FOXN3: variants seen among roughly 807,000 people sequenced by gnomAD.
FOXN3 encodes the protein forkhead box N3, also known as forkhead box protein N3.
Under a neutral mutation model 38.4 loss-of-function variants are expected in FOXN3, and 7 were observed. That is an observed-to-expected ratio of 0.18 (90% CI 0.10 to 0.34). FOXN3 has a LOEUF of 0.34. FOXN3 is among the 10% of genes least tolerant of loss of function. The pLI is 1.00. For missense variants in FOXN3, 456 were observed against 613.4 expected (o/e 0.74, Z 2.71); for synonymous variants, 230 against 242.2 (o/e 0.95, Z 0.47).
chr14:89,407,705 GGTAT>G (rs1410565920), intron 2 of FOXN3, among the ~76,000 whole-genome samples: 5 of 152,060 alleles, frequency 3.3e-5, no homozygotes, highest in African/African-American at 1.2e-4. Context: ...CAGGCATGGT[GGTAT>G]GTACTTGTAG....
At chr14:89,618,378 G>A (rs933033395) in intron 1 of FOXN3, among the ~76,000 whole-genome samples, 1 of 152,166 alleles carries the variant, frequency 6.6e-6, no homozygotes, top group African/African-American at 2.4e-5. Flanking sequence ...TTCCCAGCCG[G>A]CAATCATGGT....
At chr14:89,589,074 T>C (rs776845962) in intron 1 of FOXN3, among the ~76,000 whole-genome samples, 1 of 152,130 alleles carries the variant, frequency 6.6e-6, no homozygotes, top group Non-Finnish European at 1.5e-5. Context: ...TTATTAACTA[T>C]AAACCAAGTC....
chr14:89,301,951 C>T (rs1019938001), intron 3 of FOXN3, among the ~76,000 whole-genome samples: 1 of 152,086 alleles, frequency 6.6e-6, no homozygotes, highest in Non-Finnish European at 1.5e-5. Flanking sequence ...TGGCCACCTC[C>T]CTCACCACCT....
At chr14:89,225,798 C>T (rs879750242) in intron 4 of FOXN3, among the ~76,000 whole-genome samples, 2 of 152,006 alleles carry the variant, frequency 1.3e-5, no homozygotes, top group African/African-American at 2.4e-5. Flanking sequence ...CTGTTAGGAT[C>T]GTGTGTAACA....
At chr14:89,488,448 C>T (rs1893497658) in intron 1 of FOXN3, among the ~76,000 whole-genome samples, 1 of 151,936 alleles carries the variant, frequency 6.6e-6, no homozygotes, top group African/African-American at 2.4e-5. Flanking sequence ...GAGTTCAAAA[C>T]CAGCCTGGGC....
chr14:89,548,607 G>C lies in FOXN3; in HGVS notation c.-15+70421C>G, dbSNP rs1446586548. Among the ~76,000 whole-genome samples, 5 of 152,106 alleles carry C rather than the reference G, an allele frequency of 3.3e-5. No homozygotes were observed. The East Asian group carries it at 5.8e-4, about 18-fold the overall frequency. On this transcript the variant is annotated intron_variant, in intron 1 of 6. Transcript: ENST00000345097. This position sits in a 1 kb window ranked among gnomAD's most constrained non-coding sequence, Gnocchi z 4.8. ...ATCGTATGGGATAATGTATGTAAAA[G>C]TATTCTATAATTAGAACCTTAATGT...
At chr14:89,561,110 C>A (rs774581471) in intron 1 of FOXN3, among the ~76,000 whole-genome samples, 4 of 152,232 alleles carry the variant, frequency 2.6e-5, no homozygotes, top group Non-Finnish European at 5.9e-5. Context: ...GAAGAAGATG[C>A]ATGACTGGTG....
intron 1 of FOXN3, among the ~76,000 whole-genome samples, chr14:89,573,130 T>G (rs1057002489): frequency 1.3e-5 from 2 of 152,196 alleles, no homozygotes; most frequent in African/African-American, 4.8e-5. Flanking sequence ...GATGCACTTC[T>G]AGTTTGACAG....
At chr14:89,382,062 C>T (rs1271677459) in intron 2 of FOXN3, among the ~76,000 whole-genome samples, 2 of 152,054 alleles carry the variant, frequency 1.3e-5, no homozygotes, top group African/African-American at 2.4e-5. Flanking sequence ...CATCACCTTG[C>T]CCCACTGCTT....
chr14:89,418,476 C>T (rs1466150326), upstream of FOXN3, among the ~76,000 whole-genome samples: 1 of 126,280 alleles, frequency 7.9e-6, no homozygotes, highest in Non-Finnish European at 1.6e-5. Flanking sequence ...GGTGACAAGT[C>T]TTCAGCAAAG....
rs1282764595 is a variant in FOXN3, at chr14:89,163,715, T to C, written c.852-746A>G. ...TCTGCTAAGTCTGTGCAGAGGACCA[T>C]GTTTAACTCCGTAAGGTGGATATTA... is the stretch of plus-strand genomic sequence containing the variant. On this transcript the variant is annotated intron_variant, in intron 5 of 5. Coordinates refer to ENST00000557258, the MANE Select transcript of FOXN3 (RefSeq NM_005197.4). This position sits in a 1 kb window ranked among gnomAD's most constrained non-coding sequence, Gnocchi z 4.3. 2.1e-4 allele frequency among the ~76,000 whole-genome samples: 32 copies of C among 152,212 alleles called. No individual in the cohort carries two copies. The highest frequency in any genetic ancestry group is 8.8e-5 in the Non-Finnish European group (6 of 68,026).
intron 3 of FOXN3, among the ~76,000 whole-genome samples, chr14:89,314,674 C>A (rs1271712804): frequency 1.3e-5 from 2 of 152,170 alleles, no homozygotes; most frequent in Non-Finnish European, 2.9e-5. Context: ...AAGATGAGCT[C>A]AGTTTGTGGA....
chr14:89,285,441 C>T (rs552401035), intron 3 of FOXN3, among the ~76,000 whole-genome samples: 1 of 151,964 alleles, frequency 6.6e-6, no homozygotes, highest in African/African-American at 2.4e-5. Context: ...ATTGTTTGAA[C>T]CCAGGAGGCG....
intron 1 of FOXN3, among the ~76,000 whole-genome samples, chr14:89,588,685 G>A (rs1242443638): frequency 6.6e-6 from 1 of 152,198 alleles, no homozygotes; most frequent in Non-Finnish European, 1.5e-5. Flanking sequence ...CTCCTGGTCA[G>A]TACCTGGATG....
At chr14:89,335,075 TATCACACACACACACA>T (rs1490338205) in intron 3 of FOXN3, among the ~76,000 whole-genome samples, 3 of 136,166 alleles carry the variant, frequency 2.2e-5, no homozygotes, top group Non-Finnish European at 3.2e-5. Context: ...ACTATTTTCA[TATCACACACACACACA>T]CACACACACA....
chr14:89,466,540 C>A (rs948282317), intron 1 of FOXN3, among the ~76,000 whole-genome samples: 1 of 152,170 alleles, frequency 6.6e-6, no homozygotes, highest in Non-Finnish European at 1.5e-5. Flanking sequence ...CCATTCTAGG[C>A]ATTTGGATTT....
chr14:89,334,611 C>CATAAA (rs142055992), intron 3 of FOXN3, among the ~76,000 whole-genome samples: 71,658 of 147,556 alleles, frequency 0.49, 18,915 homozygotes, highest in East Asian at 0.58. Context: ...CTTCATCAAA[C>CATAAA]ATAAAATAAA....
intron 3 of FOXN3, among the ~76,000 whole-genome samples, chr14:89,307,662 C>T (rs1887416636): frequency 6.6e-6 from 1 of 152,174 alleles, no homozygotes; most frequent in Non-Finnish European, 1.5e-5. Context: ...TGGCAGCCTG[C>T]ACCTCTGCTT....
intron 1 of FOXN3, among the ~76,000 whole-genome samples, chr14:89,471,436 T>C (rs761051844): frequency 5.3e-5 from 8 of 152,014 alleles, no homozygotes; most frequent in Non-Finnish European, 1.2e-4. Flanking sequence ...ACCTGTTATG[T>C]CTACAGTTTT....
Sources: gnomAD v4.1 joint callset for allele counts (sites outside exome capture counted in the v4.1 genomes callset) on GRCh38, gnomAD v4.1.1 for gene constraint, Gnocchi (gnomAD v3.1) non-coding constraint, MANE v1.5 for transcripts, NCBI Gene and HGNC (gene_info 2026-07-23, HGNC 2026-07-21) for gene names.